The following SLC16A7 variants were observed in gnomAD, a reference collection of about 807,000 sequenced individuals.
The protein encoded by SLC16A7 is solute carrier family 16 member 7.
A neutral mutation model predicts 34.9 loss-of-function variants in SLC16A7; 33 were observed. That is an observed-to-expected ratio of 0.94 (90% CI 0.72 to 1.26). SLC16A7 has a LOEUF of 1.26. Among genes scored for constraint, SLC16A7 ranks in the 50% most tolerant of loss-of-function variants. The probability of loss-of-function intolerance (pLI) is 0.00; values close to 1 mark genes in which losing one functional copy is unlikely to be tolerated. For synonymous variants in SLC16A7, 201 were observed against 206.6 expected (o/e 0.97, Z 0.23); for missense variants, 573 against 578.1 (o/e 0.99, Z 0.09).
intron 3 of SLC16A7, among the ~76,000 whole-genome samples, chr12:59,766,267 C>T (rs886975861): frequency 6.6e-6 from 1 of 152,170 alleles, no homozygotes; most frequent in Non-Finnish European, 1.5e-5. Flanking sequence ...ACAATCATGT[C>T]ATCTGCAAAC....
chr12:59,607,795 A>C (rs1192170094), intron 1 of SLC16A7, among the ~76,000 whole-genome samples: 2 of 152,174 alleles, frequency 1.3e-5, no homozygotes, highest in African/African-American at 4.8e-5. Context: ...AGCCAAATGA[A>C]GTAGATGTTA....
At chr12:59,772,716 C>A (rs1413175483) in intron 4 of SLC16A7, among the ~76,000 whole-genome samples, 3 of 151,972 alleles carry the variant, frequency 2.0e-5, no homozygotes, top group Non-Finnish European at 2.9e-5. Flanking sequence ...TAAATAATAG[C>A]TCTTTTTAAA....
chr12:59,688,118 G>A (rs1029712163), intron 2 of SLC16A7, among the ~76,000 whole-genome samples: 6 of 151,930 alleles, frequency 3.9e-5, no homozygotes, highest in African/African-American at 1.5e-4. Flanking sequence ...GACTCCAGTG[G>A]ATAGTTAACA....
At chr12:59,704,087 A>T (rs1873216281) in intron 2 of SLC16A7, among the ~76,000 whole-genome samples, 1 of 150,200 alleles carries the variant, frequency 6.7e-6, no homozygotes, top group South Asian at 2.1e-4. Flanking sequence ...CTGTAATCCC[A>T]GTTACTAGGG....
chr12:59,604,302 G>A (rs1040582985), intron 1 of SLC16A7, among the ~76,000 whole-genome samples: 24 of 152,180 alleles, frequency 1.6e-4, no homozygotes, highest in Non-Finnish European at 5.9e-5. Context: ...TTATCTCAGG[G>A]CTGAACTTTC....
intron 1 of SLC16A7, among the ~76,000 whole-genome samples, chr12:59,650,858 C>A (rs1868331564): frequency 6.6e-6 from 1 of 152,142 alleles, no homozygotes; most frequent in Admixed American, 6.6e-5. Flanking sequence ...AGCACCACAT[C>A]ATATTTGTCT....
chr12:59,628,338 C>T (rs1195770966), intron 1 of SLC16A7, among the ~76,000 whole-genome samples: 2 of 151,872 alleles, frequency 1.3e-5, no homozygotes, highest in East Asian at 3.9e-4. Context: ...TCTGAACACT[C>T]ACTCAGTTCC....
At chr12:59,729,684 C>A (rs1019542254) in intron 3 of SLC16A7, among the ~76,000 whole-genome samples, 1 of 152,082 alleles carries the variant, frequency 6.6e-6, no homozygotes, top group Admixed American at 6.6e-5. Flanking sequence ...AGGGATGGAT[C>A]CTCATCATGT....
intron 3 of SLC16A7, among the ~76,000 whole-genome samples, chr12:59,760,698 G>A (rs187679080): frequency 5.3e-5 from 8 of 152,070 alleles, no homozygotes; most frequent in East Asian, 1.9e-4. Context: ...TCTATACAGC[G>A]TGAATACACA....
At chr12:59,725,496 T>G (rs1340994246) in intron 3 of SLC16A7, among the ~76,000 whole-genome samples, 1 of 152,152 alleles carries the variant, frequency 6.6e-6, no homozygotes, top group East Asian at 1.9e-4. Flanking sequence ...TAAAAATGGT[T>G]CATCAGTTTC....
chr12:59,766,501 T>G (rs1444630256), intron 3 of SLC16A7, among the ~76,000 whole-genome samples: 2 of 152,200 alleles, frequency 1.3e-5, no homozygotes, highest in African/African-American at 4.8e-5. Context: ...TTGAGATATG[T>G]CCCATCAATA....
chr12:59,633,593 A>C (rs956608783), intron 1 of SLC16A7, among the ~76,000 whole-genome samples: 1 of 152,048 alleles, frequency 6.6e-6, no homozygotes, highest in East Asian at 1.9e-4. Flanking sequence ...TCACTGTATT[A>C]GTCCATTTTT....
chr12:59,665,756 C>G (rs182245018), intron 2 of SLC16A7, among the ~76,000 whole-genome samples: 129 of 152,048 alleles, frequency 8.5e-4, no homozygotes, highest in Middle Eastern at 6.8e-3. Context: ...TATATACACA[C>G]ACACACACAT....
intron 1 of SLC16A7, among the ~76,000 whole-genome samples, chr12:59,599,596 G>C (rs1815594445): frequency 6.6e-6 from 1 of 152,176 alleles, no homozygotes; most frequent in African/African-American, 2.4e-5. Context: ...CAATGTTGTG[G>C]TAGTACTTGT....
chr12:59,658,323 A>G (rs2137026769), intron 2 of SLC16A7, among the ~76,000 whole-genome samples: 1 of 152,212 alleles, frequency 6.6e-6, no homozygotes, highest in East Asian at 1.9e-4. Context: ...AAAATCACAG[A>G]AAATGAGAAG....
intron 5 of SLC16A7, 49 bp downstream of exon 5, chr12:59,775,524 C>T: frequency 7.3e-7 from 1 of 1,372,040 alleles, no homozygotes; most frequent in Non-Finnish European, 1.0e-6. Context: ...AATTAATATC[C>T]ATTAACGGAG....
At chr12:59,659,272 A>C (rs1008271774) in intron 2 of SLC16A7, among the ~76,000 whole-genome samples, 1 of 151,984 alleles carries the variant, frequency 6.6e-6, no homozygotes, top group African/African-American at 2.4e-5. Flanking sequence ...AATTTTTCTT[A>C]ATCTATTTAG....
At chr12:59,764,502 T>G (rs1881367781) in intron 3 of SLC16A7, among the ~76,000 whole-genome samples, 3 of 111,126 alleles carry the variant, frequency 2.7e-5, no homozygotes, top group Admixed American at 1.2e-4. Context: ...ACCACAACAG[T>G]CCCCGGTGTG....
At chr12:59,721,524 G>A (rs1194766449) in intron 3 of SLC16A7, among the ~76,000 whole-genome samples, 2 of 151,566 alleles carry the variant, frequency 1.3e-5, no homozygotes, top group Non-Finnish European at 3.0e-5. Flanking sequence ...CTCCAACTTG[G>A]GAAAAAAACA....
Sources: allele counts gnomAD v4.1 joint callset (sites outside exome capture counted in the v4.1 genomes callset), GRCh38; gene constraint gnomAD v4.1.1; transcripts MANE v1.5; gene names NCBI Gene and HGNC (gene_info 2026-07-23, HGNC 2026-07-21).